SPEF2: variants seen among roughly 807,000 people sequenced by gnomAD.
SPEF2 encodes the protein sperm flagella and cilia-associated protein 2.
In SPEF2, 187 loss-of-function variants were observed where a neutral mutation model predicts 224.6. The ratio of observed to expected loss-of-function variants is 0.83; its 90% CI spans 0.74 to 0.94. The LOEUF (loss-of-function observed/expected upper bound fraction) is 0.94. SPEF2 is among the 40% of genes least tolerant of loss of function. SPEF2 has a pLI of 0.00. For missense variants in SPEF2, 2,170 were observed against 2,135.6 expected (o/e 1.02, Z -0.32); for synonymous variants, 715 against 707.3 (o/e 1.01, Z -0.17).
Position 35,636,514 on chromosome 5 carries a change from CCAGCTGGTTTTA to C in SPEF2, c.162-4915_162-4904del, listed in dbSNP as rs1166315934. The stretch of plus-strand genomic sequence containing the variant: ...GTTTTTGGCCAGGCTCTTCTTTGCT[CCAGCTGGTTTTA>C]CTGTCTCAGGTAACTGTGATTATAA... On this transcript the variant is annotated intron_variant, in intron 2 of 36. Transcript: ENST00000356031. Among the ~76,000 whole-genome samples the C allele has an allele frequency of 3.3e-5, 5 of 152,122 alleles. No homozygotes were observed. In the East Asian group the frequency reaches 9.6e-4, roughly 29 times the overall value.
At chr5:35,710,227 T>C (rs1049302390) in intron 19 of SPEF2, 7 of 984,890 alleles carry the variant, frequency 7.1e-6, no homozygotes, top group Non-Finnish European at 8.4e-6. Context: ...TTCAGAGGTC[T>C]GGAGGAAAAT....
At chr5:35,634,426 A>G (rs1745547327) in intron 2 of SPEF2, among the ~76,000 whole-genome samples, 1 of 151,950 alleles carries the variant, frequency 6.6e-6, no homozygotes, top group African/African-American at 2.4e-5. Flanking sequence ...TGCTTTTAAG[A>G]TTCTCTCTGT....
chr5:35,634,266 C>T (rs1299784668), intron 2 of SPEF2, among the ~76,000 whole-genome samples: 1 of 151,930 alleles, frequency 6.6e-6, no homozygotes, highest in Admixed American at 6.6e-5. Context: ...ATATTTTTAC[C>T]AGTCATAGAA....
chr5:35,795,889 C>A (rs549187725), intron 33 of SPEF2, 94 bp downstream of exon 33: 5 of 1,040,892 alleles, frequency 4.8e-6, no homozygotes, highest in Non-Finnish European at 7.3e-6. Context: ...GTGGACTGCA[C>A]CCCTGCCCCT....
intron 24 of SPEF2, among the ~76,000 whole-genome samples, chr5:35,756,930 A>G (rs1475581822): frequency 6.6e-6 from 1 of 152,184 alleles, no homozygotes; most frequent in Non-Finnish European, 1.5e-5. Context: ...CCAACAAGGT[A>G]CTCATTAACT....
intron 8 of SPEF2, 82 bp from the exon 9 acceptor site, chr5:35,666,990 G>A: frequency 7.6e-7 from 1 of 1,318,812 alleles, no homozygotes; most frequent in Non-Finnish European, 1.0e-6. Flanking sequence ...TCTACTGAAA[G>A]ACTTTTTGGC....
At chr5:35,655,558 C>A (rs1466996991) in intron 7 of SPEF2, among the ~76,000 whole-genome samples, 1 of 152,128 alleles carries the variant, frequency 6.6e-6, no homozygotes, top group African/African-American at 2.4e-5. Context: ...CTTCAGGAGA[C>A]AGTGTCTGGA....
chr5:35,676,490 A>T (rs1752037803), intron 10 of SPEF2, among the ~76,000 whole-genome samples: 2 of 152,290 alleles, frequency 1.3e-5, no homozygotes, highest in South Asian at 4.1e-4. Context: ...GCACTTTGGG[A>T]GGCCAAGGCA....
chr5:35,774,383 G>A (rs578220360), intron 28 of SPEF2, among the ~76,000 whole-genome samples: 1 of 152,212 alleles, frequency 6.6e-6, no homozygotes, highest in South Asian at 2.1e-4. Context: ...TTTAGATAGG[G>A]ACTACCTAAA....
At chr5:35,807,512 C>A in intron 36 of SPEF2, 1 of 953,042 alleles carries the variant, frequency 1.0e-6, no homozygotes. Context: ...GTCATTGTAG[C>A]CATGTAATGA....
intron 20 of SPEF2, among the ~76,000 whole-genome samples, chr5:35,714,671 T>G (rs1742159025): frequency 6.9e-6 from 1 of 144,544 alleles, no homozygotes; most frequent in Non-Finnish European, 1.5e-5. Flanking sequence ...GTTTGTCTTT[T>G]GGGTTTATTT....
intron 34 of SPEF2, among the ~76,000 whole-genome samples, chr5:35,805,143 A>G (rs985123311): frequency 2.6e-5 from 4 of 152,232 alleles, no homozygotes; most frequent in African/African-American, 9.6e-5. Flanking sequence ...GGAAAATTAT[A>G]TAAATATGTA....
In SPEF2 at chr5:35,795,724, G is replaced by A. The variant is rs774548606; in HGVS notation, c.4759G>A (p.Asp1587Asn). The A allele has an allele frequency of 1.7e-5, 27 of 1,613,788 alleles. No homozygotes were observed. Among genetic ancestry groups the A allele is most frequent in the South Asian group, 8.8e-5 (8 of 91,072 alleles). ...GTAGGCTGGTCTGTGGTTTACAGGAGATGAAGATATAAAAATTCCAGAAAA... is the reference window on the plus strand; with the variant it reads ...GTAGGCTGGTCTGTGGTTTACAGGAAATGAAGATATAAAAATTCCAGAAAA... ...YMQAGLWFTGDEDIKIPENPL... is the reference protein window; with the variant it reads ...YMQAGLWFTGNEDIKIPENPL... The change falls in exon 33 of 37, where the codon GAT becomes AAT. Residue 1587 changes from aspartate (D) to asparagine (N), a missense_variant. Coordinates refer to ENST00000356031, the MANE Select transcript of SPEF2 (RefSeq NM_024867.4).
chr5:35,619,442 G>A (rs1199923039), intron 1 of SPEF2, among the ~76,000 whole-genome samples: 1 of 152,142 alleles, frequency 6.6e-6, no homozygotes, highest in African/African-American at 2.4e-5. Flanking sequence ...CAGCCCTTTG[G>A]GAGGCCGAGG....
intron 36 of SPEF2, among the ~76,000 whole-genome samples, chr5:35,813,880 CAT>C (rs758668310): frequency 1.3e-5 from 2 of 150,746 alleles, no homozygotes; most frequent in African/African-American, 4.9e-5. Flanking sequence ...GTATTTTTCA[CAT>C]GTTGGTACTC....
At chr5:35,677,101 AT>A (rs1400233177) in intron 10 of SPEF2, among the ~76,000 whole-genome samples, 12 of 152,298 alleles carry the variant, frequency 7.9e-5, no homozygotes, top group Admixed American at 7.8e-4. Flanking sequence ...GTGTGGAAAA[AT>A]ACTGTGTGAA....
chr5:35,723,180 A>G (rs1485902748), intron 20 of SPEF2, among the ~76,000 whole-genome samples: 3 of 152,126 alleles, frequency 2.0e-5, no homozygotes, highest in Non-Finnish European at 4.4e-5. Context: ...ACCCCCTCCC[A>G]CCTGGCTGTC....
chr5:35,648,870 C>T (rs150620091), intron 5 of SPEF2, among the ~76,000 whole-genome samples: 10 of 151,998 alleles, frequency 6.6e-5, no homozygotes, highest in African/African-American at 2.2e-4. Context: ...AAAAGTTAGC[C>T]GGTTGTGGTG....
At chr5:35,802,589 T>G in intron 34 of SPEF2, among the ~76,000 whole-genome samples, 1 of 150,828 alleles carries the variant, frequency 6.6e-6, no homozygotes, top group East Asian at 1.9e-4. Context: ...TTCATTAGGG[T>G]GGCCAGAAAA....
Sources: gnomAD v4.1 joint callset for allele counts (sites outside exome capture counted in the v4.1 genomes callset) on GRCh38, gnomAD v4.1.1 for gene constraint, MANE v1.5 for transcripts, NCBI Gene and HGNC (gene_info 2026-07-23, HGNC 2026-07-21) for gene names.